The following SLC8A1 variants were observed in gnomAD, a reference collection of about 807,000 sequenced individuals.
SLC8A1 encodes the protein sodium/calcium exchanger 1.
A neutral mutation model predicts 68.3 loss-of-function variants in SLC8A1; 18 were observed. The observed-to-expected ratio is 0.26, with a 90% CI of 0.18 to 0.39. The LOEUF is 0.39. Among genes scored for constraint, SLC8A1 ranks in the 10% least tolerant of loss-of-function variants. The pLI is 1.00. For missense variants in SLC8A1, 985 were observed against 1,156.7 expected, an observed-to-expected ratio of 0.85 and a Z score of 2.15; for synonymous variants, 475 against 415.5, an observed-to-expected ratio of 1.14 and a Z score of -1.74.
intron 1 of SLC8A1, among the ~76,000 whole-genome samples, chr2:40,435,577 A>G (rs914215974): frequency 6.6e-6 from 1 of 152,170 alleles, no homozygotes; most frequent in Non-Finnish European, 1.5e-5. Flanking sequence ...CTCACAAAAC[A>G]GAAGTCAGGC....
intron 2 of SLC8A1, among the ~76,000 whole-genome samples, chr2:40,396,778 CAA>C (rs1687102095): frequency 1.4e-5 from 1 of 71,236 alleles, no homozygotes; most frequent in South Asian, 4.6e-4. Context: ...AAAAAAAAAA[CAA>C]GAGAAGTTAA....
chr2:40,432,315 A>C (rs1252861079), intron 1 of SLC8A1, among the ~76,000 whole-genome samples: 2 of 151,488 alleles, frequency 1.3e-5, no homozygotes, highest in Non-Finnish European at 2.9e-5. Context: ...TGGAGGAAAC[A>C]AACAAATATA....
At chr2:40,143,898 CTT>C (rs1558511873) in intron 6 of SLC8A1, among the ~76,000 whole-genome samples, 1 of 152,180 alleles carries the variant, frequency 6.6e-6, no homozygotes, top group Admixed American at 6.5e-5. Flanking sequence ...GGTCAGAAGA[CTT>C]AAGCCACTTT....
At chr2:40,209,695 G>GTGA (rs1469465541) in intron 2 of SLC8A1, among the ~76,000 whole-genome samples, 2 of 152,154 alleles carry the variant, frequency 1.3e-5, no homozygotes, top group African/African-American at 4.8e-5. Flanking sequence ...AGAGTATAGA[G>GTGA]TGATAGACGC....
chr2:40,296,718 ATTTAT>A (rs2070459919), intron 2 of SLC8A1, among the ~76,000 whole-genome samples: 1 of 152,146 alleles, frequency 6.6e-6, no homozygotes, highest in Non-Finnish European at 1.5e-5. Flanking sequence ...GTTATGTTTT[ATTTAT>A]TTTATGTTTG....
intron 6 of SLC8A1, among the ~76,000 whole-genome samples, chr2:40,150,861 A>T (rs1290534565): frequency 6.6e-6 from 1 of 152,098 alleles, no homozygotes; most frequent in African/African-American, 2.4e-5. Context: ...TGGAAGTGGA[A>T]ACTGTAGCTA....
At chr2:40,107,039 A>T (rs572983413) in exon 8 of SLC8A1, 1 of 152,206 alleles carries the variant, frequency 6.6e-6, no homozygotes, top group Admixed American at 6.5e-5. Context: ...TGTATATGAA[A>T]ATTGGAAGTT....
In SLC8A1 at chr2:40,422,085, G is replaced by A. The variant is rs192327288; in HGVS notation, c.1808+6388C>T. ...AGCACCTTCCACTGGGACCCTCAGC[G>A]GGCTCACCCAAGGCAGTTACGAAGA... On this transcript the variant is annotated intron_variant, in intron 2 of 7. Transcript: ENST00000406785. Among the ~76,000 whole-genome samples, 6 of 152,088 alleles carry A rather than the reference G, an allele frequency of 3.9e-5. No homozygotes were observed. In the East Asian group the frequency reaches 7.7e-4, roughly 20 times the overall value.
chr2:40,215,021 A>G (rs934904147), intron 2 of SLC8A1, among the ~76,000 whole-genome samples: 1 of 152,182 alleles, frequency 6.6e-6, no homozygotes, highest in Admixed American at 6.5e-5. Flanking sequence ...AAAGTCAAAC[A>G]GAACCTTATG....
intron 2 of SLC8A1, among the ~76,000 whole-genome samples, chr2:40,302,481 A>G (rs2071687959): frequency 6.6e-6 from 1 of 150,502 alleles, no homozygotes; most frequent in Non-Finnish European, 1.5e-5. Flanking sequence ...ACACATATAT[A>G]TGATACATAT....
In SLC8A1 at chr2:40,428,559, A is replaced by C; in HGVS notation, c.1722T>G (p.Tyr574Ter). 6.2e-7 allele frequency: 1 copy of C among 1,613,880 alleles called. No homozygotes were observed. Among genetic ancestry groups the C allele is most frequent in the Non-Finnish European group, 8.5e-7 (1 of 1,179,928 alleles). ...CTCTGGCAGTCCCTTCGATGGTTTT[A>C]TATGGAACGATAACATTTCCTCGAG... Residue 574 changes from tyrosine (Y) to a stop codon, truncating the protein, a stop_gained, in exon 2 of 8, where the codon TAT becomes TAG. Coordinates refer to ENST00000406785, the Ensembl canonical transcript of SLC8A1. LOFTEE classifies it high-confidence loss of function.
chr2:40,124,067 C>T (rs896845345), intron 7 of SLC8A1, among the ~76,000 whole-genome samples: 7 of 152,172 alleles, frequency 4.6e-5, no homozygotes, highest in African/African-American at 7.2e-5. Flanking sequence ...CTCTTCTCTC[C>T]TATTTTAGAG....
chr2:40,394,007 A>G (rs1302838814), intron 2 of SLC8A1, among the ~76,000 whole-genome samples: 1 of 152,108 alleles, frequency 6.6e-6, no homozygotes, highest in Non-Finnish European at 1.5e-5. Context: ...ACATGTGTCA[A>G]TGACTGAAGA....
At chr2:40,404,667 G>A (rs969952468) in intron 2 of SLC8A1, among the ~76,000 whole-genome samples, 5 of 152,068 alleles carry the variant, frequency 3.3e-5, no homozygotes, top group East Asian at 1.9e-4. Context: ...GCCATTTCTC[G>A]CATTTTCATG....
chr2:40,121,169 G>A (rs1290897043), intron 7 of SLC8A1, among the ~76,000 whole-genome samples: 1 of 152,280 alleles, frequency 6.6e-6, no homozygotes, highest in Admixed American at 6.5e-5. Flanking sequence ...TCTCTCTTGG[G>A]CATCCCTGCT....
chr2:40,427,672 G>T (rs1331171468), intron 2 of SLC8A1, among the ~76,000 whole-genome samples: 4 of 152,040 alleles, frequency 2.6e-5, no homozygotes, highest in Admixed American at 1.3e-4. Context: ...ATTACTACAT[G>T]AGCACAGTGC....
intron 2 of SLC8A1, among the ~76,000 whole-genome samples, chr2:40,422,139 C>T (rs1176457365): frequency 6.6e-6 from 1 of 152,088 alleles, no homozygotes; most frequent in Non-Finnish European, 1.5e-5. Flanking sequence ...ACCCACAGTA[C>T]ATTCAGCTAT....
intron 2 of SLC8A1, among the ~76,000 whole-genome samples, chr2:40,300,577 G>A (rs1222869223): frequency 6.6e-6 from 1 of 152,102 alleles, no homozygotes; most frequent in Non-Finnish European, 1.5e-5. Flanking sequence ...GCCCCACTGT[G>A]CCCTTCTGAC....
intron 2 of SLC8A1, among the ~76,000 whole-genome samples, chr2:40,383,018 T>C (rs1303223635): frequency 6.6e-6 from 1 of 152,124 alleles, no homozygotes; most frequent in Non-Finnish European, 1.5e-5. Flanking sequence ...GACATATAAA[T>C]GTGGCACATA....
Sources: gnomAD v4.1 joint callset for allele counts (sites outside exome capture counted in the v4.1 genomes callset) on GRCh38, gnomAD v4.1.1 for gene constraint, MANE v1.5 for transcripts, NCBI Gene and HGNC (gene_info 2026-07-23, HGNC 2026-07-21) for gene names.